NRG3: variants seen among roughly 807,000 people sequenced by gnomAD.
The protein encoded by NRG3 is neuregulin 3.
In NRG3, 31 loss-of-function variants were observed where a neutral mutation model predicts 66.9. That is an observed-to-expected ratio of 0.46 (90% CI 0.35 to 0.63). NRG3 has a LOEUF of 0.63. Ranked by LOEUF, NRG3 falls within the 20% of genes least tolerant of loss-of-function variation. The pLI, the probability that NRG3 is intolerant of heterozygous loss-of-function variation, is 0.00. For synonymous variants in NRG3, 393 were observed against 359.4 expected, an observed-to-expected ratio of 1.09 and a Z score of -1.06; for missense variants, 910 against 878.9, an observed-to-expected ratio of 1.04 and a Z score of -0.45.
intron 2 of NRG3, among the ~76,000 whole-genome samples, chr10:82,504,029 G>T (rs1371638598): frequency 6.6e-6 from 1 of 152,122 alleles, no homozygotes; most frequent in Non-Finnish European, 1.5e-5. Context: ...CTGAAATACT[G>T]CCTGTAGAAG....
chr10:82,170,831 T>C, intron 1 of NRG3, among the ~76,000 whole-genome samples: 1 of 150,940 alleles, frequency 6.6e-6, no homozygotes, highest in East Asian at 1.9e-4. Flanking sequence ...TCCATATTTT[T>C]CTTTTTCTCA....
At chr10:81,933,525 C>T (rs1031724256) in intron 1 of NRG3, among the ~76,000 whole-genome samples, 1 of 152,140 alleles carries the variant, frequency 6.6e-6, no homozygotes, top group Non-Finnish European at 1.5e-5. Flanking sequence ...TGGTGTGTTG[C>T]ACCCATTAAC....
chr10:82,651,021 A>G (rs2051369731), intron 2 of NRG3, among the ~76,000 whole-genome samples: 1 of 152,232 alleles, frequency 6.6e-6, no homozygotes. Flanking sequence ...AAAAATCTAT[A>G]AGTGATGGAA....
intron 3 of NRG3, among the ~76,000 whole-genome samples, chr10:82,814,978 G>A (rs950258356): frequency 2.0e-5 from 3 of 152,278 alleles, no homozygotes; most frequent in South Asian, 4.1e-4. Context: ...GAGCTACTCA[G>A]TACTGGAGCA....
intron 1 of NRG3, among the ~76,000 whole-genome samples, chr10:82,161,774 A>G (rs755601491): frequency 2.0e-5 from 3 of 152,090 alleles, no homozygotes; most frequent in Non-Finnish European, 1.5e-5. Flanking sequence ...GGAAAGAAAG[A>G]TATCAACTGC....
chr10:82,949,584 G>A (rs779930945), intron 4 of NRG3, among the ~76,000 whole-genome samples: 2 of 152,138 alleles, frequency 1.3e-5, no homozygotes, highest in Non-Finnish European at 2.9e-5. Flanking sequence ...GCTGGGTGTG[G>A]TGGCTCACAC....
chr10:81,887,444 C>A (rs1842700323), intron 1 of NRG3, among the ~76,000 whole-genome samples: 1 of 152,102 alleles, frequency 6.6e-6, no homozygotes, highest in African/African-American at 2.4e-5. Flanking sequence ...ACTATCTGAT[C>A]TATTCCAAGG....
intron 1 of NRG3, among the ~76,000 whole-genome samples, chr10:81,939,804 T>G (rs1848246319): frequency 6.6e-6 from 1 of 151,982 alleles, no homozygotes; most frequent in Non-Finnish European, 1.5e-5. Context: ...ATTTTTTCAT[T>G]CTGCTAACTT....
chr10:81,989,633 T>C (rs921408148), intron 1 of NRG3, among the ~76,000 whole-genome samples: 2 of 152,184 alleles, frequency 1.3e-5, no homozygotes, highest in Admixed American at 6.5e-5. Flanking sequence ...CAAAACTGGT[T>C]TCATTGGTTC....
At chr10:81,944,192 C>A (rs1412655277) in intron 1 of NRG3, among the ~76,000 whole-genome samples, 2 of 152,224 alleles carry the variant, frequency 1.3e-5, no homozygotes, top group African/African-American at 2.4e-5. Flanking sequence ...AAAAAGAAAT[C>A]CACATGGCAT....
chr10:82,137,803 G>T (rs1454837468), intron 1 of NRG3, among the ~76,000 whole-genome samples: 1 of 152,158 alleles, frequency 6.6e-6, no homozygotes, highest in Non-Finnish European at 1.5e-5. Flanking sequence ...ATATACTACA[G>T]ACAGAATGTT....
At chr10:82,321,655 T>C (rs1371650508) in intron 1 of NRG3, among the ~76,000 whole-genome samples, 1 of 152,184 alleles carries the variant, frequency 6.6e-6, no homozygotes, top group Non-Finnish European at 1.5e-5. Flanking sequence ...TATAGTTGTA[T>C]GTTATAAGGA....
chr10:82,453,426 G>A (rs907617112), intron 2 of NRG3, among the ~76,000 whole-genome samples: 1 of 152,118 alleles, frequency 6.6e-6, no homozygotes, highest in Non-Finnish European at 1.5e-5. Context: ...GGGAAAACCA[G>A]GATGATTGAT....
chr10:82,408,526 A>G (rs2087797137), intron 2 of NRG3, among the ~76,000 whole-genome samples: 1 of 151,954 alleles, frequency 6.6e-6, no homozygotes, highest in African/African-American at 2.4e-5. Flanking sequence ...TTAAATTTAT[A>G]AAGTTATTAC....
chr10:82,962,121 C>T (rs534414956), intron 6 of NRG3, among the ~76,000 whole-genome samples: 1 of 152,292 alleles, frequency 6.6e-6, no homozygotes, highest in East Asian at 1.9e-4. Context: ...TCTGGAAACA[C>T]TTGACTCCAA....
chr10:82,768,663 C>G (rs1055867651), intron 3 of NRG3, among the ~76,000 whole-genome samples: 1 of 152,060 alleles, frequency 6.6e-6, no homozygotes, highest in African/African-American at 2.4e-5. Context: ...TTTTCTTTCA[C>G]TGATAGCAAT....
intron 1 of NRG3, among the ~76,000 whole-genome samples, chr10:82,006,999 A>G (rs1471239118): frequency 1.3e-5 from 2 of 152,046 alleles, no homozygotes; most frequent in Non-Finnish European, 2.9e-5. Context: ...CTTTGATTTT[A>G]TATATTTATT....
chr10:82,853,526 T>C (rs1373556279), intron 3 of NRG3, among the ~76,000 whole-genome samples: 2 of 152,076 alleles, frequency 1.3e-5, no homozygotes, highest in Non-Finnish European at 2.9e-5. Context: ...TTAGGTATAT[T>C]CCTAAGTATT....
intron 1 of NRG3, among the ~76,000 whole-genome samples, chr10:82,107,792 G>C (rs2067157857): frequency 1.3e-5 from 2 of 152,034 alleles, no homozygotes; most frequent in African/African-American, 4.8e-5. Flanking sequence ...AAATAGAGGA[G>C]GGAGTCAAAA....
Sources: allele counts gnomAD v4.1 joint callset (sites outside exome capture counted in the v4.1 genomes callset), GRCh38; gene constraint gnomAD v4.1.1; transcripts MANE v1.5; gene names NCBI Gene and HGNC (gene_info 2026-07-23, HGNC 2026-07-21).